Variants in TSHR observed in about 807,000 individuals in gnomAD.
The protein encoded by TSHR is thyroid stimulating hormone receptor.
A neutral mutation model predicts 64.1 loss-of-function variants in TSHR; 51 were observed. That is an observed-to-expected ratio of 0.80 (90% CI 0.64 to 1.01). TSHR has a LOEUF of 1.01. Among genes scored for constraint, TSHR ranks in the 50% least tolerant of loss-of-function variants. The pLI is 0.00. For missense variants in TSHR, 877 were observed against 942.8 expected, an observed-to-expected ratio of 0.93 and a Z score of 0.91; for synonymous variants, 361 against 361.9, an observed-to-expected ratio of 1.00 and a Z score of 0.03.
At chr14:81,118,501 A>T (rs1450414469) in intron 8 of TSHR, among the ~76,000 whole-genome samples, 3 of 149,340 alleles carry the variant, frequency 2.0e-5, no homozygotes, top group Non-Finnish European at 3.0e-5. Context: ...GGAGAACTAC[A>T]ATCCACTGCT....
intron 1 of TSHR, among the ~76,000 whole-genome samples, chr14:81,016,024 G>A (rs140246396): frequency 1.4e-4 from 21 of 152,220 alleles, no homozygotes; most frequent in African/African-American, 5.1e-4. Flanking sequence ...CCATTCATGT[G>A]TAGATGGACA....
chr14:81,049,274 A>T (rs1481756790), intron 1 of TSHR, among the ~76,000 whole-genome samples: 1 of 152,178 alleles, frequency 6.6e-6, no homozygotes, highest in Non-Finnish European at 1.5e-5. Flanking sequence ...CATGGTAGGC[A>T]CTCAATATAT....
intron 1 of TSHR, chr14:80,958,254 G>A (rs1594887762): frequency 6.6e-6 from 1 of 152,178 alleles, no homozygotes; most frequent in Non-Finnish European, 1.5e-5. Flanking sequence ...TTAAGTAGGT[G>A]ATGTTATTAT....
intron 3 of TSHR, chr14:81,068,613 T>G (rs1010248612): frequency 1.4e-5 from 6 of 418,150 alleles, no homozygotes; most frequent in African/African-American, 1.2e-4. Flanking sequence ...TGAATGTCAG[T>G]GAGACAATAG....
At chr14:81,000,303 T>C (rs1331778292) in intron 1 of TSHR, among the ~76,000 whole-genome samples, 1 of 152,226 alleles carries the variant, frequency 6.6e-6, no homozygotes, top group Non-Finnish European at 1.5e-5. Flanking sequence ...ACTTAACATG[T>C]ACCATAAGCA....
chr14:81,110,394 C>A (rs933920102), intron 8 of TSHR, among the ~76,000 whole-genome samples: 1 of 152,156 alleles, frequency 6.6e-6, no homozygotes, highest in African/African-American at 2.4e-5. Context: ...GATGGGCGCT[C>A]ACAGAGGAAA....
intron 1 of TSHR, chr14:81,003,454 A>G: frequency 1.0e-5 from 2 of 194,090 alleles, no homozygotes; most frequent in South Asian, 1.1e-4. Flanking sequence ...CAATTCCCCC[A>G]TTGTAATGTC....
intron 1 of TSHR, among the ~76,000 whole-genome samples, chr14:81,004,326 T>C (rs1381391643): frequency 3.3e-5 from 5 of 152,216 alleles, no homozygotes; most frequent in Admixed American, 6.5e-5. Context: ...ATCTCCTATA[T>C]GTTCTACTCA....
chr14:80,978,614 G>A (rs1002821624), intron 1 of TSHR, among the ~76,000 whole-genome samples: 2 of 152,192 alleles, frequency 1.3e-5, no homozygotes, highest in Admixed American at 1.3e-4. Flanking sequence ...TGGGCTGTGG[G>A]CTTCCCGGGA....
chr14:81,067,066 T>C (rs1466297908), intron 2 of TSHR, among the ~76,000 whole-genome samples: 1 of 152,188 alleles, frequency 6.6e-6, no homozygotes, highest in Non-Finnish European at 1.5e-5. Context: ...GCTTACAAAG[T>C]TTAAGACGGA....
rs371658911 is a variant in TSHR, at chr14:81,108,415, G to T, written c.655G>T (p.Asp219Tyr). The T allele has an allele frequency of 6.2e-7, 1 of 1,613,118 alleles. No individual in the cohort carries two copies. ...TAAATACCTGACAGTTATTGACAAAGATGCATTTGGAGGAGTATACAGTGG... is the reference window on the plus strand; with the variant it reads ...TAAATACCTGACAGTTATTGACAAATATGCATTTGGAGGAGTATACAGTGG... ...KNKYLTVIDKDAFGGVYSGPS... is the reference protein window; with the variant it reads ...KNKYLTVIDKYAFGGVYSGPS... The change falls in exon 8 of 10, where the codon GAT becomes TAT. Residue 219 changes from aspartate to tyrosine, a missense_variant. By Grantham distance (160) the Asp-to-Tyr change is radical (BLOSUM62 -3). Transcript: ENST00000298171.
chr14:81,026,583 T>C (rs1476201067), intron 1 of TSHR, among the ~76,000 whole-genome samples: 1 of 152,098 alleles, frequency 6.6e-6, no homozygotes, highest in Non-Finnish European at 1.5e-5. Flanking sequence ...TGTGAGTTCA[T>C]AAAACTTAAT....
At chr14:80,983,999 A>T (rs11850804) in intron 1 of TSHR, among the ~76,000 whole-genome samples, 8,672 of 152,258 alleles carry the variant, frequency 0.057, 797 homozygotes, top group African/African-American at 0.2. Context: ...CTTGAATTTG[A>T]AATCTAGTTA....
chr14:80,982,388 G>T, intron 1 of TSHR: 1 of 1,256,654 alleles, frequency 8.0e-7, no homozygotes, highest in South Asian at 1.6e-5. Flanking sequence ...AATCATTCCG[G>T]TGCTAAGAAT....
chr14:81,060,291 T>C (rs971554143), intron 1 of TSHR, among the ~76,000 whole-genome samples: 5 of 152,166 alleles, frequency 3.3e-5, no homozygotes, highest in Admixed American at 3.3e-4. Context: ...TTTGTTTTCC[T>C]TTGGCATGGC....
chr14:81,142,302 G>A (rs765259853), intron 9 of TSHR, among the ~76,000 whole-genome samples: 33 of 151,950 alleles, frequency 2.2e-4, no homozygotes, highest in Non-Finnish European at 3.8e-4. Flanking sequence ...GCTGGTTCAA[G>A]CTCCTGACCT....
Position 80,955,671 on chromosome 14 carries a change from C to G in TSHR, c.-10C>G, listed in dbSNP as rs948197890. 6.2e-7 allele frequency: 1 copy of G among 1,613,758 alleles called. No individual in the cohort carries two copies. Among genetic ancestry groups the G allele is most frequent in the African/African-American group, 1.3e-5 (1 of 75,038 alleles). On this transcript the variant is annotated 5_prime_UTR_variant, in exon 1 of 10. Coordinates refer to ENST00000298171, the MANE Select transcript of TSHR (RefSeq NM_000369.5). ...GGAGGATGGAGAAATAGCCCCGAGT[C>G]CCGTGGAAAATGAGGCCGGCGGACT...
In TSHR at chr14:80,996,983, GTTA is replaced by G. The variant is rs1445931178; in HGVS notation, c.170+41140_170+41142del. 3.3e-5 allele frequency among the ~76,000 whole-genome samples: 5 copies of G among 152,208 alleles called. No individual in the cohort carries two copies. In the South Asian group the frequency reaches 6.2e-4, roughly 19 times the overall value. The stretch of plus-strand genomic sequence containing the variant: ...GTAAAGAAGACACATTATTATTGCT[GTTA>G]TTATTACTACTACTACTACCACCAC... On this transcript the variant is annotated intron_variant, in intron 1 of 9. Coordinates refer to ENST00000298171, the MANE Select transcript of TSHR (RefSeq NM_000369.5).
intron 8 of TSHR, among the ~76,000 whole-genome samples, chr14:81,127,388 G>T (rs901411935): frequency 6.6e-6 from 1 of 152,168 alleles, no homozygotes; most frequent in East Asian, 1.9e-4. Flanking sequence ...CCCACAAGCA[G>T]CATTGAGCCT....
Sources: gnomAD v4.1 joint callset for allele counts (sites outside exome capture counted in the v4.1 genomes callset) on GRCh38, gnomAD v4.1.1 for gene constraint, MANE v1.5 for transcripts, NCBI Gene and HGNC (gene_info 2026-07-23, HGNC 2026-07-21) for gene names.